The following UMAD1 variants were observed in gnomAD, a reference collection of about 807,000 sequenced individuals.
UMAD1 encodes the protein UBAP1-MVB12-associated (UMA) domain containing 1.
Under a neutral mutation model 6.1 loss-of-function variants are expected in UMAD1, and 8 were observed. That is an observed-to-expected ratio of 1.30 (90% CI 0.76 to 2.35). The LOEUF is 2.35. Ranked by LOEUF, UMAD1 falls within the 30% of genes most tolerant of loss-of-function variation. The probability of loss-of-function intolerance (pLI) is 0.00; values close to 1 mark genes in which losing one functional copy is unlikely to be tolerated. For missense variants in UMAD1, 130 were observed against 78.4 expected (o/e 1.66, Z -2.49); for synonymous variants, 56 against 31.4 (o/e 1.78, Z -2.61).
At chr7:7,704,924 T>G (rs1337952063) in intron 2 of UMAD1, among the ~76,000 whole-genome samples, 1 of 152,146 alleles carries the variant, frequency 6.6e-6, no homozygotes, top group Non-Finnish European at 1.5e-5. Context: ...GGGCAGATTC[T>G]AAACAGTATT....
intron 2 of UMAD1, among the ~76,000 whole-genome samples, chr7:7,790,977 G>A (rs1054005825): frequency 4.6e-5 from 7 of 152,088 alleles, no homozygotes; most frequent in Admixed American, 6.5e-5. Context: ...TGCAACCTCC[G>A]CCTCCCGGGC....
chr7:7,724,423 C>T (rs902971572), intron 2 of UMAD1, among the ~76,000 whole-genome samples: 3 of 152,144 alleles, frequency 2.0e-5, no homozygotes, highest in Non-Finnish European at 2.9e-5. Flanking sequence ...GCTGGCAGAA[C>T]CCCCACATTG....
At chr7:7,851,189 G>A (rs961453314) in intron 3 of UMAD1, among the ~76,000 whole-genome samples, 1 of 152,066 alleles carries the variant, frequency 6.6e-6, no homozygotes, top group African/African-American at 2.4e-5. Context: ...CTTTCAGTTA[G>A]TGTAACGTTT....
At chr7:7,645,568 G>A (rs1038567502) in intron 1 of UMAD1, among the ~76,000 whole-genome samples, 10 of 152,136 alleles carry the variant, frequency 6.6e-5, no homozygotes, top group African/African-American at 2.2e-4. Flanking sequence ...AGTATTCCCC[G>A]AAGTCCTTCC....
chr7:7,820,304 G>A (rs1460461929), intron 3 of UMAD1, among the ~76,000 whole-genome samples: 2 of 152,096 alleles, frequency 1.3e-5, no homozygotes, highest in African/African-American at 4.8e-5. Context: ...CTCATTAGAA[G>A]TGATTAAGAT....
intron 3 of UMAD1, among the ~76,000 whole-genome samples, chr7:7,813,100 C>T (rs1783054399): frequency 6.6e-6 from 1 of 152,142 alleles, no homozygotes; most frequent in African/African-American, 2.4e-5. Context: ...ATGAGTGCAC[C>T]AGCATGAATA....
chr7:7,673,265 A>T, intron 1 of UMAD1, 44 bp from the exon 2 acceptor site: 4 of 1,061,536 alleles, frequency 3.8e-6, no homozygotes, highest in Non-Finnish European at 5.6e-6. Context: ...TAAGAGTTTT[A>T]CAGTTGCATC....
intron 2 of UMAD1, among the ~76,000 whole-genome samples, chr7:7,758,542 C>CTG (rs3070678): frequency 0.99 from 150,827 of 152,256 alleles, 74,714 homozygotes; most frequent in Middle Eastern, 1. Context: ...GAAGCTGCCT[C>CTG]TGCACCTTCA....
At chr7:7,861,327 G>A (rs1196098990) in intron 3 of UMAD1, among the ~76,000 whole-genome samples, 4 of 152,218 alleles carry the variant, frequency 2.6e-5, no homozygotes, top group African/African-American at 9.6e-5. Context: ...TGTGCACCAA[G>A]AAGGGACTCA....
chr7:7,747,190 A>G (rs1470686481), intron 2 of UMAD1, among the ~76,000 whole-genome samples: 1 of 152,192 alleles, frequency 6.6e-6, no homozygotes, highest in Non-Finnish European at 1.5e-5. Context: ...AAATCCTAGT[A>G]TTGTTTTGGA....
At chr7:7,783,056 C>T (rs1005612745) in intron 2 of UMAD1, among the ~76,000 whole-genome samples, 13 of 152,110 alleles carry the variant, frequency 8.5e-5, no homozygotes, top group African/African-American at 2.9e-4. Flanking sequence ...GTTATGTGGA[C>T]CTACATACTC....
intron 3 of UMAD1, among the ~76,000 whole-genome samples, chr7:7,825,538 A>G (rs895185661): frequency 6.6e-6 from 1 of 152,130 alleles, no homozygotes; most frequent in Admixed American, 6.6e-5. Flanking sequence ...GGAAATTCCC[A>G]TTTTTAAAAC....
chr7:7,750,843 G>C (rs1333316786), intron 2 of UMAD1, among the ~76,000 whole-genome samples: 1 of 152,172 alleles, frequency 6.6e-6, no homozygotes, highest in East Asian at 1.9e-4. Context: ...TCAGAATTTG[G>C]TGAAAGCAAT....
chr7:7,748,102 A>ATTTTTTTTT, intron 2 of UMAD1, among the ~76,000 whole-genome samples: 1 of 95,572 alleles, frequency 1.0e-5, no homozygotes, highest in Admixed American at 8.6e-5. Context: ...ACGCCCAGCT[A>ATTTTTTTTT]ATTTTTTTTT....
At chr7:7,850,706 A>G (rs997002754) in intron 3 of UMAD1, among the ~76,000 whole-genome samples, 1 of 152,018 alleles carries the variant, frequency 6.6e-6, no homozygotes, top group Admixed American at 6.6e-5. Flanking sequence ...TAAGAAACAT[A>G]TATCTTAATG....
At chr7:7,789,351 G>GAATA (rs1782519973) in intron 2 of UMAD1, among the ~76,000 whole-genome samples, 4 of 152,048 alleles carry the variant, frequency 2.6e-5, no homozygotes, top group African/African-American at 7.3e-5. Flanking sequence ...TGTGAATATG[G>GAATA]AGTAGAGACT....
intron 3 of UMAD1, among the ~76,000 whole-genome samples, chr7:7,805,085 T>C (rs1186901249): frequency 6.6e-6 from 1 of 152,218 alleles, no homozygotes; most frequent in Non-Finnish European, 1.5e-5. Context: ...ATGAGTCTTA[T>C]CCAGCCTCCT....
chr7:7,877,131 T>C (rs1784433238), intron 3 of UMAD1, 150 bp from the exon 4 acceptor site: 15 of 599,622 alleles, frequency 2.5e-5, no homozygotes, highest in Non-Finnish European at 3.0e-6. Flanking sequence ...ATGAATGTAA[T>C]TCTAAAGTAA....
intron 2 of UMAD1, among the ~76,000 whole-genome samples, chr7:7,790,601 G>A (rs570413898): frequency 6.6e-6 from 1 of 152,232 alleles, no homozygotes; most frequent in East Asian, 1.9e-4. Context: ...CCTCCCTCTG[G>A]CCTTGTAGTG....
Sources: gnomAD v4.1 joint callset for allele counts (sites outside exome capture counted in the v4.1 genomes callset) on GRCh38, gnomAD v4.1.1 for gene constraint, MANE v1.5 for transcripts, NCBI Gene and HGNC (gene_info 2026-07-23, HGNC 2026-07-21) for gene names.